The following MROH9 variants were observed in gnomAD, a reference collection of about 807,000 sequenced individuals.
MROH9 encodes maestro heat-like repeat-containing protein family member 9.
Under a neutral mutation model 98.2 loss-of-function variants are expected in MROH9, and 92 were observed. That is an observed-to-expected ratio of 0.94 (90% CI 0.79 to 1.11). MROH9 has a LOEUF of 1.11. Among genes scored for constraint, MROH9 ranks in the 50% most tolerant of loss-of-function variants. The pLI is 0.00. For missense variants in MROH9, 1,057 were observed against 1,014.8 expected (o/e 1.04, Z -0.57); for synonymous variants, 397 against 368.9 (o/e 1.08, Z -0.87).
intron 20 of MROH9, among the ~76,000 whole-genome samples, chr1:171,056,668 C>G (rs530449846): frequency 6.6e-6 from 1 of 152,156 alleles, no homozygotes; most frequent in Non-Finnish European, 1.5e-5. Context: ...CCCATGCCAC[C>G]CAACTGGGTG....
At position 170,996,600 on chromosome 1, in the gene MROH9, A is replaced by T. The variant is rs1210940508; in HGVS notation, c.1431A>T (p.Leu477Phe). The T allele has an allele frequency of 6.2e-7, 1 of 1,613,634 alleles. No individual in the cohort carries two copies. Among genetic ancestry groups the T allele is most frequent in the Non-Finnish European group, 8.5e-7 (1 of 1,179,662 alleles). Residue 477 changes from leucine (L) to phenylalanine (F), a missense_variant, in exon 14 of 22, where the codon TTA becomes TTT. Physicochemically the swap from Leu to Phe is conservative, Grantham distance 22 (BLOSUM62 0). Coordinates refer to ENST00000367759, the MANE Select transcript of MROH9 (RefSeq NM_001163629.2). ...TLMKENFWDQ[L>F]SEDLCYYHGV... ...TGAAGGAGAATTTCTGGGACCAGTT[A>T]TCTGAAGATCTGTGTTACTATCATG...
intron 20 of MROH9, among the ~76,000 whole-genome samples, chr1:171,047,988 C>A (rs190580781): frequency 3.3e-5 from 5 of 152,304 alleles, no homozygotes; most frequent in African/African-American, 1.2e-4. Flanking sequence ...TCTTCCCTTA[C>A]TTTTTGCCAA....
At chr1:170,962,331 G>A (rs1009345390) in intron 6 of MROH9, among the ~76,000 whole-genome samples, 9 of 152,142 alleles carry the variant, frequency 5.9e-5, no homozygotes, top group African/African-American at 2.2e-4. Flanking sequence ...GTGTATGTCT[G>A]TGTTCATGCT....
At chr1:171,042,514 T>C (rs1218019715) in intron 20 of MROH9, among the ~76,000 whole-genome samples, 1 of 152,148 alleles carries the variant, frequency 6.6e-6, no homozygotes, top group Non-Finnish European at 1.5e-5. Flanking sequence ...AGCAGTGGAA[T>C]TGCTGGATTA....
intron 13 of MROH9, 149 bp downstream of exon 13, chr1:170,995,680 T>C: frequency 1.1e-6 from 1 of 951,506 alleles, no homozygotes; most frequent in Non-Finnish European, 1.5e-6. Flanking sequence ...AATGGTAGAA[T>C]GCCTTCAGAA....
intron 8 of MROH9, among the ~76,000 whole-genome samples, chr1:170,979,305 G>A (rs1202042307): frequency 6.6e-6 from 1 of 152,174 alleles, no homozygotes; most frequent in African/African-American, 2.4e-5. Context: ...AGGCAAGGAT[G>A]TGCACTGTCA....
At chr1:171,029,468 A>T (rs1289770603) in intron 20 of MROH9, among the ~76,000 whole-genome samples, 1 of 152,120 alleles carries the variant, frequency 6.6e-6, no homozygotes, top group Non-Finnish European at 1.5e-5. Flanking sequence ...TCAGCCTCCT[A>T]AAGTGCTGGG....
Position 170,986,630 on chromosome 1 carries a change from T to TCACCTGATGATAAAATCG in MROH9, c.802_819dup (p.Pro268_Ala273dup). On this transcript the variant is annotated inframe_insertion, in exon 10 of 22. Coordinates refer to ENST00000367759, the MANE Select transcript of MROH9 (RefSeq NM_001163629.2). ...GCAGAGTCTCCTGATGAAACTCTCTTCACCTGATGATAAAATCGCATCTGA... is the reference window on the plus strand; with the variant it reads ...GCAGAGTCTCCTGATGAAACTCTCTTCACCTGATGATAAAATCGCACCTGATGATAAAATCGCATCTGA... The TCACCTGATGATAAAATCG allele has an allele frequency of 6.2e-7, 1 of 1,613,880 alleles. No homozygotes were observed. The highest frequency in any genetic ancestry group is 8.5e-7 in the Non-Finnish European group (1 of 1,179,908).
chr1:170,958,609 C>T lies in MROH9; in HGVS notation c.152+69C>T, dbSNP rs1649885656. On this transcript the variant is annotated intron_variant, in intron 4 of 21. Transcript: ENST00000367759. ...ATTTAAAATGTTATATCTTTAAAAACATGCAATTGTGAAAGATAAGAAATT... is the reference window on the plus strand; with the variant it reads ...ATTTAAAATGTTATATCTTTAAAAATATGCAATTGTGAAAGATAAGAAATT... The T allele has an allele frequency of 7.4e-6, 8 of 1,081,200 alleles. No individual in the cohort carries two copies. The South Asian group carries it at 7.9e-5, about 11-fold the overall frequency. The allele number at this position is 1,081,200 out of a possible 1,614,324, so 67.0% of individuals were successfully genotyped here.
At chr1:170,944,039 G>C (rs1649225977) in intron 1 of MROH9, among the ~76,000 whole-genome samples, 1 of 151,906 alleles carries the variant, frequency 6.6e-6, no homozygotes, top group Admixed American at 6.6e-5. Context: ...TAAAAGATAA[G>C]GGGAAAGTTA....
In MROH9 at chr1:170,995,336, C is replaced by T. The variant is rs1005082559; in HGVS notation, c.1195-53C>T. ...TCTTGCTCCCCTCAGTAAGGTTGAC[C>T]GGGTTTAGAGAAAAATGTTTACATT... On this transcript the variant is annotated intron_variant, in intron 12 of 21. Coordinates refer to ENST00000367759, the MANE Select transcript of MROH9 (RefSeq NM_001163629.2). 21 of 1,601,484 alleles carry T rather than the reference C, an allele frequency of 1.3e-5. No homozygotes were observed. The Middle Eastern group carries it at 5.0e-4, about 38-fold the overall frequency.
chr1:170,980,962 T>C (rs918779478), intron 8 of MROH9, among the ~76,000 whole-genome samples: 4 of 151,788 alleles, frequency 2.6e-5, no homozygotes, highest in African/African-American at 9.7e-5. Context: ...GGGCAAAGGA[T>C]ACAAACAGAC....
At chr1:171,021,006 C>T (rs1382573085) in intron 17 of MROH9, among the ~76,000 whole-genome samples, 2 of 152,050 alleles carry the variant, frequency 1.3e-5, no homozygotes, top group South Asian at 2.1e-4. Flanking sequence ...AACACTCATT[C>T]GCAATTGCTA....
intron 15 of MROH9, among the ~76,000 whole-genome samples, chr1:171,000,431 G>A (rs373108899): frequency 6.6e-6 from 1 of 152,124 alleles, no homozygotes. Flanking sequence ...CGATTTTGCT[G>A]AGGGTTTTAA....
At chr1:170,947,672 A>C in intron 3 of MROH9, 99 bp downstream of exon 3, 1 of 1,116,056 alleles carries the variant, frequency 9.0e-7, no homozygotes, top group Non-Finnish European at 1.3e-6. Context: ...GTAATGTTTA[A>C]AATACATGTG....
intron 9 of MROH9, among the ~76,000 whole-genome samples, chr1:170,985,230 T>C (rs1235373042): frequency 1.3e-5 from 2 of 152,212 alleles, no homozygotes; most frequent in Admixed American, 6.5e-5. Context: ...CACCATTATT[T>C]GTGAGAAGAG....
At chr1:171,046,003 G>C (rs1025544788) in intron 20 of MROH9, among the ~76,000 whole-genome samples, 2 of 151,954 alleles carry the variant, frequency 1.3e-5, no homozygotes, top group African/African-American at 4.8e-5. Flanking sequence ...ATTTTAAATT[G>C]TTATATCTTC....
chr1:171,020,184 TAC>T (rs1391227618), intron 17 of MROH9, among the ~76,000 whole-genome samples: 1 of 150,084 alleles, frequency 6.7e-6, no homozygotes, highest in Non-Finnish European at 1.5e-5. Context: ...CTACTAGACA[TAC>T]AAAGAGGAGC....
chr1:171,062,042 G>A (rs1654031507), intron 20 of MROH9, 90 bp from the exon 21 acceptor site: 2 of 806,542 alleles, frequency 2.5e-6, no homozygotes, highest in South Asian at 3.3e-5. Context: ...GCTTTGCTTT[G>A]AAAAAAGCAA....
Sources: gnomAD v4.1 joint callset for allele counts (sites outside exome capture counted in the v4.1 genomes callset) on GRCh38, gnomAD v4.1.1 for gene constraint, MANE v1.5 for transcripts, NCBI Gene and HGNC (gene_info 2026-07-23, HGNC 2026-07-21) for gene names.